The following BIRC6 variants were observed in gnomAD, a reference collection of about 807,000 sequenced individuals.
BIRC6 encodes the protein baculoviral IAP repeat containing 6.
A neutral mutation model predicts 503.3 loss-of-function variants in BIRC6; 98 were observed. The ratio of observed to expected loss-of-function variants is 0.19; its 90% CI spans 0.17 to 0.23. The LOEUF is 0.23. BIRC6 is among the 10% of genes least tolerant of loss of function. BIRC6 has a pLI of 1.00. For synonymous variants in BIRC6, 2,240 were observed against 2,078.7 expected (o/e 1.08, Z -2.11); for missense variants, 5,360 against 5,806.0 (o/e 0.92, Z 2.50).
At position 32,357,184 on chromosome 2, in the gene BIRC6, C is replaced by T. The variant is rs1178820415; in HGVS notation, c.23C>T (p.Ala8Val). The T allele has an allele frequency of 6.5e-7, 1 of 1,534,132 alleles. No individual in the cohort carries two copies. Among genetic ancestry groups the T allele is most frequent in the Non-Finnish European group, 8.7e-7 (1 of 1,148,608 alleles). The part of the protein sequence containing the change: MVTGGGA[A>V]PPGTVTEPLP... ...CGGATGGTGACTGGTGGTGGTGCTG[C>T]ACCTCCCGGGACTGTCACTGAGCCG... is the stretch of plus-strand genomic sequence containing the variant. The change falls in exon 1 of 74, where the codon GCA becomes GTA. Residue 8 changes from alanine to valine, a missense_variant. Transcript: ENST00000421745. The surrounding 1 kb of genome is among the most constrained non-coding windows in gnomAD (Gnocchi z 4.9).
intron 12 of BIRC6, among the ~76,000 whole-genome samples, chr2:32,431,970 T>C (rs1480304447): frequency 1.3e-5 from 2 of 152,174 alleles, no homozygotes; most frequent in Admixed American, 6.5e-5. Context: ...GTGTATGGTA[T>C]TTTCAATATA....
chr2:32,491,083 T>G (rs747293469), intron 43 of BIRC6, among the ~76,000 whole-genome samples: 1 of 152,234 alleles, frequency 6.6e-6, no homozygotes, highest in Non-Finnish European at 1.5e-5. Flanking sequence ...AAAGTTTACC[T>G]GAAAAGTAGA....
intron 32 of BIRC6, among the ~76,000 whole-genome samples, chr2:32,472,294 C>T (rs1003625491): frequency 2.0e-5 from 3 of 152,140 alleles, no homozygotes; most frequent in African/African-American, 7.2e-5. Context: ...GTCTTGAACT[C>T]CTGACCTCAA....
Position 32,414,793 on chromosome 2 carries a change from T to G in BIRC6, c.1502T>G (p.Met501Arg). The change falls in exon 10 of 74, where the codon ATG (methionine) becomes AGG (arginine). Residue 501 changes from methionine to arginine, a missense_variant. By Grantham distance (91) the Met-to-Arg change is moderately conservative. This residue lies in a region of BIRC6 where 700 missense variants were observed against 739.3 expected (regional missense o/e 0.95). Coordinates refer to ENST00000421745, the MANE Select transcript of BIRC6 (RefSeq NM_016252.4). ...GGGCATACATCACAGAAGGAAGCCATGGAAGTAAGCCTTGATATAACAGCA... is the reference window on the plus strand; with the variant it reads ...GGGCATACATCACAGAAGGAAGCCAGGGAAGTAAGCCTTGATATAACAGCA... Reference protein sequence around the residue: ...VTGHTSQKEAMEVSLDITALS... With the variant: ...VTGHTSQKEAREVSLDITALS... 6.2e-7 allele frequency: 1 copy of G among 1,613,346 alleles called. No individual in the cohort carries two copies. Among genetic ancestry groups the G allele is most frequent in the South Asian group, 1.1e-5 (1 of 91,008 alleles).
chr2:32,561,014 A>G (rs1020670763), intron 65 of BIRC6, among the ~76,000 whole-genome samples: 1 of 151,866 alleles, frequency 6.6e-6, no homozygotes, highest in Non-Finnish European at 1.5e-5. Context: ...CCTGGCCAAC[A>G]TAGTGAAACC....
rs1232537703 is a variant in BIRC6, at chr2:32,417,822, C to T, written c.2872+1659C>T. 2.6e-5 allele frequency among the ~76,000 whole-genome samples: 4 copies of T among 152,156 alleles called. No individual in the cohort carries two copies. The East Asian group carries it at 5.8e-4, about 22-fold the overall frequency. ...TTGAGACAGAGTCTCACCCTGTCAA[C>T]AGGCTGGGGTGCAGTTACGCAATCT... On this transcript the variant is annotated intron_variant, in intron 10 of 73. Coordinates refer to ENST00000421745, the MANE Select transcript of BIRC6 (RefSeq NM_016252.4).
At chr2:32,607,670 C>G in intron 72 of BIRC6, 27 bp downstream of exon 72, 1 of 1,563,252 alleles carries the variant, frequency 6.4e-7, no homozygotes, top group Non-Finnish European at 8.7e-7. Context: ...TAGTGAAATA[C>G]TTTGTTAAAG....
chr2:32,551,346 G>A (rs1386232694), intron 65 of BIRC6, among the ~76,000 whole-genome samples: 1 of 152,050 alleles, frequency 6.6e-6, no homozygotes, highest in Non-Finnish European at 1.5e-5. Flanking sequence ...GCAGTGGCAC[G>A]ATCTTGGCTT....
chr2:32,571,216 A>T (rs1017214146), intron 65 of BIRC6, among the ~76,000 whole-genome samples: 2 of 151,706 alleles, frequency 1.3e-5, no homozygotes, highest in Non-Finnish European at 2.9e-5. Context: ...TTCTGCTTTT[A>T]TTATATCTTT....
chr2:32,534,858 G>C (rs944183034), intron 61 of BIRC6, among the ~76,000 whole-genome samples: 1 of 151,284 alleles, frequency 6.6e-6, no homozygotes, highest in African/African-American at 2.4e-5. Flanking sequence ...TTTATAGTCC[G>C]AGAAGAAGAG....
At chr2:32,610,019 A>G (rs1288011053) in intron 72 of BIRC6, among the ~76,000 whole-genome samples, 6 of 152,120 alleles carry the variant, frequency 3.9e-5, no homozygotes, top group Admixed American at 2.6e-4. Flanking sequence ...GTTCTTTAAA[A>G]TATATTTTTT....
intron 73 of BIRC6, among the ~76,000 whole-genome samples, chr2:32,614,665 T>TAA (rs67183353): frequency 2.0e-5 from 3 of 151,512 alleles, no homozygotes; most frequent in African/African-American, 7.3e-5. Context: ...CCAACTCTAT[T>TAA]AAAAGAAAAT....
rs149647610 is a variant in BIRC6, at chr2:32,488,806, G to A, written c.8095+92G>A. ...AAATATACCTAATCTTTGTCATTAG[G>A]GGTTATAACATTCTAGTGGGGAAAA... On this transcript the variant is annotated intron_variant, in intron 42 of 73. Coordinates refer to ENST00000421745, the MANE Select transcript of BIRC6 (RefSeq NM_016252.4). 68 of 922,840 alleles carry A rather than the reference G, an allele frequency of 7.4e-5. No individual in the cohort carries two copies. In the African/African-American group the frequency reaches 1.1e-3, roughly 15 times the overall value. 57.2% of individuals were successfully genotyped at this position (922,840 alleles called of 1,614,324 possible). A position where few individuals can be genotyped will look rare whatever the true frequency, so the allele number is the denominator to read the frequency against.
chr2:32,600,077 AGTTAAGT>A (rs1264701171), intron 70 of BIRC6, among the ~76,000 whole-genome samples, 177 bp downstream of exon 70: 2 of 152,264 alleles, frequency 1.3e-5, no homozygotes, highest in African/African-American at 4.8e-5. Context: ...GAGCAGAAAC[AGTTAAGT>A]GTTAATTAAG....
rs1478698607 is a variant in BIRC6, at chr2:32,575,069, A to T, written c.13145-87A>T. ...AGCCGGGTCAGCTGTGGACCTTGGT[A>T]AGATCCAGGTAAAAGCTACATTCCT... On this transcript the variant is annotated intron_variant, in intron 65 of 73. Coordinates refer to ENST00000421745, the MANE Select transcript of BIRC6 (RefSeq NM_016252.4). 3 of 1,415,256 alleles carry T rather than the reference A, an allele frequency of 2.1e-6. No homozygotes were observed. The Admixed American group carries it at 5.1e-5, about 24-fold the overall frequency. The allele number at this position is 1,415,256 out of a possible 1,614,324, so 87.7% of individuals were successfully genotyped here.
intron 65 of BIRC6, chr2:32,566,262 C>T (rs1415908471): frequency 6.6e-6 from 1 of 152,102 alleles, no homozygotes; most frequent in Non-Finnish European, 1.5e-5. Context: ...TATTAATAAA[C>T]ATAAATAGGT....
intron 46 of BIRC6, among the ~76,000 whole-genome samples, chr2:32,501,197 C>G (rs2053147142): frequency 1.3e-5 from 2 of 151,956 alleles, no homozygotes; most frequent in South Asian, 4.2e-4. Context: ...ATATTTTTGC[C>G]TGTTGGTATT....
In BIRC6 at chr2:32,618,062, T is replaced by C; in HGVS notation, c.*158T>C. 1.3e-6 allele frequency: 1 copy of C among 744,130 alleles called. No individual in the cohort carries two copies. The highest frequency in any genetic ancestry group is 2.1e-6 in the Non-Finnish European group (1 of 484,792). 46.1% of individuals were successfully genotyped at this position (744,130 alleles called of 1,614,324 possible). ...AGTTTAATTCAAGGTGATCTTTTAT[T>C]TACCTGTACAGGAGTGTAAACTTTT... On this transcript the variant is annotated 3_prime_UTR_variant, in exon 74 of 74. Coordinates refer to ENST00000421745, the MANE Select transcript of BIRC6 (RefSeq NM_016252.4).
At position 32,442,417 on chromosome 2, in the gene BIRC6, A is replaced by G; in HGVS notation, c.4200A>G (p.Ile1400Met). ...RVCFFEAGRS[I>M]AHKCARFLAL... ...GCTTCTTTGAGGCAGGACGAAGTATAGCCCATAAGTGTGCCCGATTTCTAG... is the reference window on the plus strand; with the variant it reads ...GCTTCTTTGAGGCAGGACGAAGTATGGCCCATAAGTGTGCCCGATTTCTAG... The change falls in exon 19 of 74, where the codon ATA (isoleucine) becomes ATG (methionine). Residue 1400 changes from isoleucine (I) to methionine (M), a missense_variant. Transcript: ENST00000421745. 1 of 1,610,226 alleles carries G rather than the reference A, an allele frequency of 6.2e-7. No homozygotes were observed. The highest frequency in any genetic ancestry group is 8.5e-7 in the Non-Finnish European group (1 of 1,178,060).
Sources: gnomAD v4.1 joint callset for allele counts (sites outside exome capture counted in the v4.1 genomes callset) on GRCh38, gnomAD v4.1.1 for gene constraint, gnomAD v4.1.1 regional missense constraint, Gnocchi (gnomAD v3.1) non-coding constraint, MANE v1.5 for transcripts, NCBI Gene and HGNC (gene_info 2026-07-23, HGNC 2026-07-21) for gene names.